CDH4: variants seen among roughly 807,000 people sequenced by gnomAD.
CDH4 encodes the protein cadherin-4.
A neutral mutation model predicts 86.0 loss-of-function variants in CDH4; 33 were observed. The ratio of observed to expected loss-of-function variants is 0.38; its 90% confidence interval spans 0.29 to 0.51. The LOEUF is 0.51. Among genes scored for constraint, CDH4 ranks in the 20% least tolerant of loss-of-function variants. The pLI, the probability that CDH4 is intolerant of heterozygous loss-of-function variation, is 0.86. For missense variants in CDH4, 1,114 were observed against 1,307.4 expected (o/e 0.85, Z 2.28); for synonymous variants, 555 against 549.4 (o/e 1.01, Z -0.14).
At chr20:61,839,764 ATG>A (rs1982067215) in intron 4 of CDH4, among the ~76,000 whole-genome samples, 1 of 148,762 alleles carries the variant, frequency 6.7e-6, no homozygotes. Context: ...TGTGTTGTAT[ATG>A]TGTTGTGTGT....
chr20:61,934,105 C>T lies in CDH4; in HGVS notation c.2429C>T (p.Pro810Leu). 1 of 1,611,534 alleles carries T rather than the reference C, an allele frequency of 6.2e-7. No homozygotes were observed. Among genetic ancestry groups the T allele is most frequent in the South Asian group, 1.1e-5 (1 of 91,004 alleles). Residue 810 changes from proline (P) to leucine (L), a missense_variant, in exon 15 of 16, where the codon CCA becomes CTA. Physicochemically the swap from Pro to Leu is moderately conservative, Grantham distance 98. Around this residue, in one of 3 missense-constraint regions of CDH4, gnomAD observed 188 missense variants for 183.8 expected, o/e 1.02. Coordinates refer to ENST00000614565, the MANE Select transcript of CDH4 (RefSeq NM_001794.5). ...CAGCCGGAAGCCATGGGGCACGTGC[C>T]AAGCAAAGCCCCTGGCGTGCGTCGC... ...LQQPEAMGHV[P>L]SKAPGVRRVD...
At chr20:61,575,254 C>G (rs544573979) in intron 2 of CDH4, among the ~76,000 whole-genome samples, 2 of 152,168 alleles carry the variant, frequency 1.3e-5, no homozygotes, top group Non-Finnish European at 2.9e-5. Context: ...AGCAAGCTGG[C>G]AACGACAGGT....
At chr20:61,277,741 T>A (rs955464951) in intron 2 of CDH4, among the ~76,000 whole-genome samples, 1 of 152,246 alleles carries the variant, frequency 6.6e-6, no homozygotes, top group African/African-American at 2.4e-5. Context: ...TGCCCCTCTG[T>A]GGGCCATGTT....
chr20:61,614,400 C>T lies in CDH4; in HGVS notation c.170-129163C>T, dbSNP rs140151414. Among the ~76,000 whole-genome samples, 227 of 152,184 alleles carry T rather than the reference C, an allele frequency of 1.5e-3. 3 individuals are homozygous for T. Among genetic ancestry groups the T allele is most frequent in the African/African-American group, 5.2e-3 (217 of 41,468 alleles). On this transcript the variant is annotated intron_variant, in intron 2 of 15. Transcript: ENST00000614565. ...AGCTCCTGCGCCTCCCACACCTTTGCCCTCTCCATTTGTCTGTCCAGTAAA... is the reference window on the plus strand; with the variant it reads ...AGCTCCTGCGCCTCCCACACCTTTGTCCTCTCCATTTGTCTGTCCAGTAAA...
intron 2 of CDH4, among the ~76,000 whole-genome samples, chr20:61,374,108 G>C (rs1448696309): frequency 2.0e-5 from 3 of 152,182 alleles, no homozygotes; most frequent in African/African-American, 7.2e-5. Context: ...ATCAAGCACT[G>C]TCACAGAGCT....
intron 2 of CDH4, among the ~76,000 whole-genome samples, chr20:61,411,774 C>G (rs1204564184): frequency 1.3e-5 from 2 of 152,166 alleles, no homozygotes; most frequent in Non-Finnish European, 2.9e-5. Context: ...AGGGATATGT[C>G]AGCACTGTGG....
At chr20:61,820,068 C>G (rs1980935665) in intron 4 of CDH4, among the ~76,000 whole-genome samples, 1 of 152,236 alleles carries the variant, frequency 6.6e-6, no homozygotes, top group Non-Finnish European at 1.5e-5. Flanking sequence ...TCAGCTGCAC[C>G]TTGCTTCAGA....
chr20:61,611,591 C>G (rs1187851858), intron 2 of CDH4, among the ~76,000 whole-genome samples: 1 of 152,082 alleles, frequency 6.6e-6, no homozygotes, highest in East Asian at 1.9e-4. Flanking sequence ...CTCTGGGCCA[C>G]ATTTGGGTTC....
In CDH4 at chr20:61,723,310, C is replaced by T. The variant is rs529092812; in HGVS notation, c.170-20253C>T. ...GAGGAGCCCCTGCACCTCCTCCGGACCCCCGTCCTGGCTCCTCAGCACCGG... is the reference window on the plus strand; with the variant it reads ...GAGGAGCCCCTGCACCTCCTCCGGATCCCCGTCCTGGCTCCTCAGCACCGG... On this transcript the variant is annotated intron_variant, in intron 2 of 15. Coordinates refer to ENST00000614565, the MANE Select transcript of CDH4 (RefSeq NM_001794.5). 3.3e-5 allele frequency among the ~76,000 whole-genome samples: 5 copies of T among 152,340 alleles called. No individual in the cohort carries two copies. The South Asian group carries it at 6.2e-4, about 19-fold the overall frequency.
At chr20:61,526,293 GACTTA>G (rs559137075) in intron 2 of CDH4, among the ~76,000 whole-genome samples, 11 of 152,038 alleles carry the variant, frequency 7.2e-5, no homozygotes, top group Non-Finnish European at 1.3e-4. Flanking sequence ...AGGATCCAAG[GACTTA>G]ACTTTATGCA....
chr20:61,542,810 A>G (rs958391342), intron 2 of CDH4, among the ~76,000 whole-genome samples: 1 of 152,224 alleles, frequency 6.6e-6, no homozygotes, highest in African/African-American at 2.4e-5. Flanking sequence ...GGAGTTTATT[A>G]GGAGAATTGA....
chr20:61,553,102 A>G (rs1173372457), intron 2 of CDH4, among the ~76,000 whole-genome samples: 1 of 152,250 alleles, frequency 6.6e-6, no homozygotes, highest in Non-Finnish European at 1.5e-5. Context: ...ATATTCAGCC[A>G]TATAAAGGAA....
chr20:61,301,646 A>G (rs2084386848), intron 2 of CDH4, among the ~76,000 whole-genome samples: 1 of 152,244 alleles, frequency 6.6e-6, no homozygotes. Flanking sequence ...TATTGAATAT[A>G]CATCATATGC....
Position 61,936,917 on chromosome 20 carries a change from A to G in CDH4, c.2725A>G (p.Met909Val). The G allele has an allele frequency of 6.3e-7, 1 of 1,596,902 alleles. No individual in the cohort carries two copies. The highest frequency in any genetic ancestry group is 8.5e-7 in the Non-Finnish European group (1 of 1,171,986). Reference sequence around the variant, plus strand: ...GCCCAGATTCAAGAAGCTGGCGGACATGTATGGAGGTGGTGAAGAGGATTG... The same window carrying G: ...GCCCAGATTCAAGAAGCTGGCGGACGTGTATGGAGGTGGTGAAGAGGATTG... ...WGPRFKKLADMYGGGEED is the reference protein window; with the variant it reads ...WGPRFKKLADVYGGGEED The change falls in exon 16 of 16, where the codon ATG (methionine) becomes GTG (valine). Residue 909 changes from methionine to valine, a missense_variant. Met to Val is a conservative substitution (Grantham distance 21, BLOSUM62 1). Transcript: ENST00000614565.
intron 11 of CDH4, among the ~76,000 whole-genome samples, chr20:61,925,702 T>TC (rs2055037995): frequency 6.6e-6 from 1 of 152,152 alleles, no homozygotes; most frequent in Non-Finnish European, 1.5e-5. Context: ...AGGCTTTTTT[T>TC]CTCTCACGTC....
chr20:61,909,844 G>A (rs992004940), intron 8 of CDH4, among the ~76,000 whole-genome samples: 3 of 152,194 alleles, frequency 2.0e-5, no homozygotes, highest in Non-Finnish European at 4.4e-5. Context: ...TATCTTCGGG[G>A]ACACCATTCA....
intron 2 of CDH4, among the ~76,000 whole-genome samples, chr20:61,323,791 T>G (rs905643846): frequency 6.6e-6 from 1 of 152,176 alleles, no homozygotes. Flanking sequence ...CTTTAGTACA[T>G]GCAAAATGGG....
intron 2 of CDH4, among the ~76,000 whole-genome samples, chr20:61,704,524 C>T (rs2087809573): frequency 2.6e-5 from 4 of 152,082 alleles, no homozygotes; most frequent in Admixed American, 2.6e-4. Flanking sequence ...GCCCTGAAGC[C>T]CCCAGAGCCA....
chr20:61,307,985 G>A (rs1211272597), intron 2 of CDH4, among the ~76,000 whole-genome samples: 1 of 152,208 alleles, frequency 6.6e-6, no homozygotes, highest in Admixed American at 6.5e-5. Context: ...TGTGGTGACT[G>A]CCCACTGAAC....
Sources: allele counts gnomAD v4.1 joint callset (sites outside exome capture counted in the v4.1 genomes callset), GRCh38; gene constraint gnomAD v4.1.1; regional missense constraint gnomAD v4.1.1; transcripts MANE v1.5; gene names NCBI Gene and HGNC (gene_info 2026-07-23, HGNC 2026-07-21).